Variants in BTRC observed in about 807,000 individuals in gnomAD.
BTRC encodes beta-transducin repeat containing E3 ubiquitin protein ligase.
Under a neutral mutation model 85.5 loss-of-function variants are expected in BTRC, and 42 were observed. That is an observed-to-expected ratio of 0.49 (90% CI 0.38 to 0.64). The LOEUF (loss-of-function observed/expected upper bound fraction) is 0.64, where lower values mean the gene tolerates loss of function less well. Ranked by LOEUF, BTRC falls within the 30% of genes least tolerant of loss-of-function variation. The probability of loss-of-function intolerance (pLI) is 0.00; values close to 1 mark genes in which losing one functional copy is unlikely to be tolerated. For synonymous variants in BTRC, 255 were observed against 263.3 expected (o/e 0.97, Z 0.30); for missense variants, 594 against 743.5 (o/e 0.80, Z 2.34).
intron 4 of BTRC, among the ~76,000 whole-genome samples, chr10:101,515,841 TTA>T (rs1323664249): frequency 1.3e-5 from 2 of 152,318 alleles, no homozygotes; most frequent in East Asian, 3.9e-4. Context: ...TCTGAGAATT[TTA>T]TGTTTTTATG....
Position 101,367,758 on chromosome 10 carries a change from A to G in BTRC, c.48+13530A>G, listed in dbSNP as rs575970294. Reference sequence around the variant, plus strand: ...TCCCACATTGTTCGTAAGATGATTCATTCAGGTTGTTGTGGGAGGTGTGGT... The same window carrying G: ...TCCCACATTGTTCGTAAGATGATTCGTTCAGGTTGTTGTGGGAGGTGTGGT... On this transcript the variant is annotated intron_variant, in intron 1 of 14. Transcript: ENST00000370187. Among the ~76,000 whole-genome samples the G allele has an allele frequency of 7.2e-5, 11 of 152,298 alleles. No homozygotes were observed. In the East Asian group the frequency reaches 1.9e-3, roughly 27 times the overall value.
chr10:101,386,029 T>C (rs894824112), intron 1 of BTRC, among the ~76,000 whole-genome samples: 1 of 152,110 alleles, frequency 6.6e-6, no homozygotes, highest in Non-Finnish European at 1.5e-5. Context: ...GGTACAGAGA[T>C]GACTTGGCTG....
At chr10:101,402,402 T>C (rs1442066480) in intron 1 of BTRC, among the ~76,000 whole-genome samples, 1 of 152,208 alleles carries the variant, frequency 6.6e-6, no homozygotes, top group East Asian at 1.9e-4. Flanking sequence ...TTATCAGTGT[T>C]GTATTTGACT....
chr10:101,532,554 T>C (rs914650769), intron 8 of BTRC, 122 bp downstream of exon 8: 8 of 1,313,054 alleles, frequency 6.1e-6, no homozygotes, highest in Non-Finnish European at 8.1e-6. Context: ...TTTAGATTGT[T>C]TCCAGTCCCA....
intron 1 of BTRC, among the ~76,000 whole-genome samples, chr10:101,412,405 G>A (rs61874006): frequency 0.015 from 2,232 of 152,188 alleles, 30 homozygotes; most frequent in Middle Eastern, 0.044. Context: ...TTTGTTTCCC[G>A]TCATTCAGGG....
At chr10:101,422,613 A>C (rs1944134559) in intron 1 of BTRC, among the ~76,000 whole-genome samples, 1 of 152,188 alleles carries the variant, frequency 6.6e-6, no homozygotes, top group Admixed American at 6.5e-5. Flanking sequence ...TCTAACATTT[A>C]AGTCTTTACT....
intron 4 of BTRC, among the ~76,000 whole-genome samples, chr10:101,498,215 G>C (rs767947341): frequency 6.6e-6 from 1 of 151,862 alleles, no homozygotes; most frequent in Non-Finnish European, 1.5e-5. Context: ...GTGCGGTGGC[G>C]TGATCTCAGC....
intron 1 of BTRC, among the ~76,000 whole-genome samples, chr10:101,386,861 C>A (rs145471356): frequency 6.6e-6 from 1 of 152,236 alleles, no homozygotes; most frequent in East Asian, 1.9e-4. Context: ...AATTTAAGAT[C>A]ATGAAAATAG....
chr10:101,521,213 G>T (rs1056640034), intron 4 of BTRC, among the ~76,000 whole-genome samples: 2 of 152,186 alleles, frequency 1.3e-5, no homozygotes, highest in Admixed American at 6.5e-5. Flanking sequence ...GCTGGAGGCT[G>T]CAGTGAGCTA....
chr10:101,448,712 A>G (rs1463838282), intron 2 of BTRC, among the ~76,000 whole-genome samples: 1 of 152,068 alleles, frequency 6.6e-6, no homozygotes, highest in African/African-American at 2.4e-5. Flanking sequence ...CAGGATTTAC[A>G]GCAGAAGTTA....
At chr10:101,444,632 C>A (rs529912808) in intron 2 of BTRC, among the ~76,000 whole-genome samples, 2 of 152,226 alleles carry the variant, frequency 1.3e-5, no homozygotes, top group African/African-American at 4.8e-5. Flanking sequence ...ACAAAATACA[C>A]TGCAAGCAGA....
rs922387702 is a variant in BTRC, at chr10:101,506,961, A to G, written c.325-14678A>G. Among the ~76,000 whole-genome samples, 3 of 152,352 alleles carry G rather than the reference A, an allele frequency of 2.0e-5. No individual in the cohort carries two copies. The South Asian group carries it at 6.2e-4, about 32-fold the overall frequency. On this transcript the variant is annotated intron_variant, in intron 4 of 14. Coordinates refer to ENST00000370187, the MANE Select transcript of BTRC (RefSeq NM_033637.4). Reference sequence around the variant, plus strand: ...CAAAATTCTCTTGCTTTGCTCCTAGATATAGTTCATACCATGTCTTAGGAA... The same window carrying G: ...CAAAATTCTCTTGCTTTGCTCCTAGGTATAGTTCATACCATGTCTTAGGAA...
At chr10:101,470,329 C>CTTTTTTTTTTTTTTTT (rs950644281) in intron 3 of BTRC, among the ~76,000 whole-genome samples, 1 of 94,932 alleles carries the variant, frequency 1.1e-5, no homozygotes, top group Non-Finnish European at 2.0e-5. Flanking sequence ...ATTTTTCTTT[C>CTTTTTTTTTTTTTTTT]TTTTTTTTTT....
intron 1 of BTRC, among the ~76,000 whole-genome samples, chr10:101,409,868 A>G (rs1194314911): frequency 6.6e-6 from 1 of 152,220 alleles, no homozygotes; most frequent in Non-Finnish European, 1.5e-5. Context: ...TAATGCTACT[A>G]TGAACATGTG....
intron 4 of BTRC, among the ~76,000 whole-genome samples, chr10:101,520,414 A>AT (rs934033778): frequency 1.3e-5 from 2 of 152,126 alleles, no homozygotes; most frequent in Admixed American, 6.5e-5. Context: ...AGAGACTGTC[A>AT]TTTTTGTTCA....
chr10:101,434,549 C>G (rs74922920), intron 2 of BTRC, among the ~76,000 whole-genome samples: 1 of 151,954 alleles, frequency 6.6e-6, no homozygotes, highest in East Asian at 1.9e-4. Flanking sequence ...AGCTAAGATA[C>G]AAAAAATATG....
In BTRC at chr10:101,538,279, T is replaced by A; in HGVS notation, c.1578-14T>A. 6.2e-7 allele frequency: 1 copy of A among 1,611,286 alleles called. No homozygotes were observed. On this transcript the variant is annotated splice_polypyrimidine_tract_variant and intron_variant, in intron 12 of 14. Coordinates refer to ENST00000370187, the MANE Select transcript of BTRC (RefSeq NM_033637.4). Reference sequence around the variant, plus strand: ...GCTTTTAACTAACATTTTTGTCCCCTTTTTGATCTTTAGAAAAATTAAAGT... The same window carrying A: ...GCTTTTAACTAACATTTTTGTCCCCATTTTGATCTTTAGAAAAATTAAAGT...
intron 1 of BTRC, among the ~76,000 whole-genome samples, chr10:101,374,173 C>T (rs1289824696): frequency 2.6e-5 from 4 of 151,984 alleles, no homozygotes; most frequent in Admixed American, 1.3e-4. Flanking sequence ...GTTTACAGTC[C>T]CACCAACAGT....
At chr10:101,378,452 T>G (rs528586916) in intron 1 of BTRC, among the ~76,000 whole-genome samples, 1 of 152,000 alleles carries the variant, frequency 6.6e-6, no homozygotes, top group South Asian at 2.1e-4. Flanking sequence ...TTTGTTTTGG[T>G]GGTGTTAGTC....
Sources: gnomAD v4.1 joint callset for allele counts (sites outside exome capture counted in the v4.1 genomes callset) on GRCh38, gnomAD v4.1.1 for gene constraint, MANE v1.5 for transcripts, NCBI Gene and HGNC (gene_info 2026-07-23, HGNC 2026-07-21) for gene names.